AUTS2: variants seen among roughly 807,000 people sequenced by gnomAD.
AUTS2 encodes autism susceptibility gene 2 protein.
AUTS2 carries 17 observed loss-of-function variants against 112.4 expected under a neutral mutation model. The observed-to-expected ratio is 0.15, with a 90% CI of 0.10 to 0.23. AUTS2 has a LOEUF of 0.23. Among genes scored for constraint, AUTS2 ranks in the 10% least tolerant of loss-of-function variants. The pLI is 1.00. For synonymous variants in AUTS2, 751 were observed against 702.7 expected, an observed-to-expected ratio of 1.07 and a Z score of -1.09; for missense variants, 1,510 against 1,701.6, an observed-to-expected ratio of 0.89 and a Z score of 1.98.
chr7:70,692,339 G>C (rs1431711349), intron 5 of AUTS2, among the ~76,000 whole-genome samples: 1 of 152,218 alleles, frequency 6.6e-6, no homozygotes, highest in African/African-American at 2.4e-5. Context: ...CTGTAACACC[G>C]ATTTTGCTAG....
intron 3 of AUTS2, 135 bp downstream of exon 3, chr7:70,118,368 T>G: frequency 9.2e-7 from 1 of 1,083,008 alleles, no homozygotes; most frequent in Non-Finnish European, 1.3e-6. Flanking sequence ...AGCATTGCGG[T>G]TCACATTATC....
At chr7:69,941,966 A>G (rs1032634022) in intron 2 of AUTS2, among the ~76,000 whole-genome samples, 1 of 152,174 alleles carries the variant, frequency 6.6e-6, no homozygotes, top group African/African-American at 2.4e-5. Flanking sequence ...TGTGTAAGGT[A>G]TTTAGGGAAA....
At chr7:69,984,330 T>C (rs1473511138) in intron 2 of AUTS2, among the ~76,000 whole-genome samples, 4 of 145,010 alleles carry the variant, frequency 2.8e-5, no homozygotes, top group Non-Finnish European at 4.5e-5. Flanking sequence ...TGGCGTGAAC[T>C]CAGGAGGTGG....
chr7:70,175,051 T>C (rs10251433), intron 4 of AUTS2, among the ~76,000 whole-genome samples: 12,216 of 152,210 alleles, frequency 0.08, 633 homozygotes, highest in African/African-American at 0.13. Context: ...TTGAAACCTT[T>C]AGCAAAGGAT....
Position 70,728,613 on chromosome 7 carries a change from C to G in AUTS2, c.742+29993C>G, listed in dbSNP as rs866664665. Among the ~76,000 whole-genome samples the G allele has an allele frequency of 2.7e-3, 394 of 147,640 alleles. 5 individuals carry two copies. The highest frequency in any genetic ancestry group is 9.5e-3 in the African/African-American group (376 of 39,656). On this transcript the variant is annotated intron_variant, in intron 6 of 18. Transcript: ENST00000342771. ...GTCCCAGCTACTTGGGAGGCTAAGGCGGGAAAATCACTTGAACCTGGGAGG... is the reference window on the plus strand; with the variant it reads ...GTCCCAGCTACTTGGGAGGCTAAGGGGGGAAAATCACTTGAACCTGGGAGG...
intron 1 of AUTS2, among the ~76,000 whole-genome samples, chr7:69,743,529 T>C (rs1304124889): frequency 6.6e-6 from 1 of 152,182 alleles, no homozygotes; most frequent in Non-Finnish European, 1.5e-5. Context: ...AGTGCATCGA[T>C]TTTTAAGTGT....
intron 14 of AUTS2, 164 bp downstream of exon 14, chr7:70,777,338 T>A: frequency 1.5e-6 from 1 of 667,242 alleles, no homozygotes; most frequent in East Asian, 2.8e-5. Flanking sequence ...TCTTACTTAT[T>A]TTTTCCTAGA....
At chr7:70,586,990 G>T (rs1474605944) in intron 5 of AUTS2, among the ~76,000 whole-genome samples, 4 of 152,160 alleles carry the variant, frequency 2.6e-5, no homozygotes, top group Non-Finnish European at 2.9e-5. Context: ...TCTAATTCCA[G>T]TCATACCAAC....
At chr7:70,745,098 T>C (rs1228136620) in intron 6 of AUTS2, among the ~76,000 whole-genome samples, 1 of 152,212 alleles carries the variant, frequency 6.6e-6, no homozygotes, top group East Asian at 1.9e-4. Context: ...AAAGTCCTTA[T>C]TATACGTTTC....
At position 70,466,435 on chromosome 7, in the gene AUTS2, T is replaced by G. The variant is rs535705107; in HGVS notation, c.690+30654T>G. ...TTCATGCATTCATTTTTTCTTTCCT[T>G]TGCCATATATTTACCAAAACCTAAT... On this transcript the variant is annotated intron_variant, in intron 5 of 18. Coordinates refer to ENST00000342771, the MANE Select transcript of AUTS2 (RefSeq NM_015570.4). Among the ~76,000 whole-genome samples the G allele has an allele frequency of 5.9e-5, 9 of 152,346 alleles. No individual in the cohort carries two copies. The South Asian group carries it at 1.9e-3, about 32-fold the overall frequency.
chr7:70,099,593 C>G (rs1271895408), intron 2 of AUTS2, among the ~76,000 whole-genome samples: 2 of 151,810 alleles, frequency 1.3e-5, no homozygotes, highest in African/African-American at 4.8e-5. Flanking sequence ...TAGGAAATAG[C>G]TTATTCTTCC....
intron 4 of AUTS2, among the ~76,000 whole-genome samples, chr7:70,161,793 A>AC (rs1808088099): frequency 6.6e-6 from 1 of 151,998 alleles, no homozygotes; most frequent in Non-Finnish European, 1.5e-5. Context: ...CCAGTGGGTA[A>AC]CACTCCATAA....
intron 4 of AUTS2, among the ~76,000 whole-genome samples, chr7:70,230,025 A>G (rs1811962241): frequency 1.3e-5 from 2 of 152,152 alleles, no homozygotes; most frequent in African/African-American, 4.8e-5. Context: ...TGTTTATAAC[A>G]GCTGATTTGA....
At chr7:70,341,227 C>T (rs925697804) in intron 4 of AUTS2, among the ~76,000 whole-genome samples, 1 of 152,172 alleles carries the variant, frequency 6.6e-6, no homozygotes, top group Non-Finnish European at 1.5e-5. Flanking sequence ...ATGAACTCTT[C>T]TTACCGGAGT....
intron 1 of AUTS2, among the ~76,000 whole-genome samples, chr7:69,749,952 G>A (rs971298873): frequency 6.6e-5 from 10 of 152,202 alleles, no homozygotes; most frequent in African/African-American, 2.2e-4. Flanking sequence ...GAATTGGGCT[G>A]TAGGGGCTGG....
chr7:70,725,469 A>G (rs370011089), intron 6 of AUTS2, among the ~76,000 whole-genome samples: 1 of 152,114 alleles, frequency 6.6e-6, no homozygotes, highest in African/African-American at 2.4e-5. Context: ...TTTGGGAGCA[A>G]CTCTAGTCCC....
At chr7:69,614,314 CTCTT>C (rs763131370) in intron 1 of AUTS2, among the ~76,000 whole-genome samples, 3,412 of 83,392 alleles carry the variant, frequency 0.041, 159 homozygotes, top group Admixed American at 0.092. Context: ...CACTCTCCGT[CTCTT>C]TCTTTCTTTC....
intron 5 of AUTS2, among the ~76,000 whole-genome samples, chr7:70,691,767 G>A (rs1808764681): frequency 6.6e-6 from 1 of 152,120 alleles, no homozygotes; most frequent in Non-Finnish European, 1.5e-5. Flanking sequence ...CTTGGCTTTT[G>A]GCGTTCCCAG....
intron 2 of AUTS2, among the ~76,000 whole-genome samples, chr7:69,926,955 T>C (rs1466753696): frequency 6.8e-6 from 1 of 146,598 alleles, no homozygotes; most frequent in African/African-American, 2.5e-5. Flanking sequence ...TAAAGATATA[T>C]AACATATATA....
Sources: allele counts gnomAD v4.1 joint callset (sites outside exome capture counted in the v4.1 genomes callset), GRCh38; gene constraint gnomAD v4.1.1; transcripts MANE v1.5; gene names NCBI Gene and HGNC (gene_info 2026-07-23, HGNC 2026-07-21).